EPHB2: variants seen among roughly 807,000 people sequenced by gnomAD.
EPHB2 encodes ephrin type-B receptor 2.
Under a neutral mutation model 96.4 loss-of-function variants are expected in EPHB2, and 18 were observed. The observed-to-expected ratio is 0.19, with a 90% CI of 0.13 to 0.28. The LOEUF (loss-of-function observed/expected upper bound fraction) is 0.28. Ranked by LOEUF, EPHB2 falls within the 10% of genes least tolerant of loss-of-function variation. The pLI, the probability that EPHB2 is intolerant of heterozygous loss-of-function variation, is 1.00. For missense variants in EPHB2, 989 were observed against 1,355.4 expected, an observed-to-expected ratio of 0.73 and a Z score of 4.25; for synonymous variants, 506 against 534.1, an observed-to-expected ratio of 0.95 and a Z score of 0.72.
chr1:22,910,581 G>T lies in EPHB2; in HGVS notation c.2696+6G>T, dbSNP rs749345478. On this transcript the variant is annotated splice_donor_region_variant and intron_variant, in intron 14 of 15. Coordinates refer to ENST00000374630, the MANE Select transcript of EPHB2 (RefSeq NM_017449.5). ...ATGGCGCCCCTCTCCTCTGGGTAAG[G>T]CCCCACCCTGGCCCTGCCCCAGCCA... The T allele has an allele frequency of 2.1e-5, 34 of 1,613,842 alleles. No homozygotes were observed. Among genetic ancestry groups the T allele is most frequent in the South Asian group, 9.9e-5 (9 of 91,066 alleles).
chr1:22,907,161 G>A (rs770151893), intron 11 of EPHB2, among the ~76,000 whole-genome samples: 4 of 152,244 alleles, frequency 2.6e-5, no homozygotes, highest in African/African-American at 4.8e-5. Flanking sequence ...CCCAGAGGCA[G>A]TCCCAGAATT....
chr1:22,747,424 A>T (rs888480195), intron 1 of EPHB2, among the ~76,000 whole-genome samples: 2 of 152,214 alleles, frequency 1.3e-5, no homozygotes, highest in Non-Finnish European at 2.9e-5. Flanking sequence ...AGGTCTGTTG[A>T]TGCCAGACCA....
intron 1 of EPHB2, among the ~76,000 whole-genome samples, chr1:22,734,117 G>T (rs1412150269): frequency 6.6e-6 from 1 of 152,230 alleles, no homozygotes; most frequent in Non-Finnish European, 1.5e-5. Flanking sequence ...GCTTGGGCAG[G>T]GGGCTCATGT....
At chr1:22,899,185 C>T (rs1257375389) in intron 9 of EPHB2, among the ~76,000 whole-genome samples, 6 of 128,078 alleles carry the variant, frequency 4.7e-5, no homozygotes, top group South Asian at 2.5e-4. Context: ...AAGTACAAAA[C>T]GCCATCTCAA....
At chr1:22,741,597 C>T (rs1557646982) in intron 1 of EPHB2, among the ~76,000 whole-genome samples, 1 of 148,556 alleles carries the variant, frequency 6.7e-6, no homozygotes, top group South Asian at 2.2e-4. Flanking sequence ...ATCTATTCCT[C>T]CTGTTCGGAG....
At chr1:22,711,876 AG>A (rs34608691) in intron 1 of EPHB2, among the ~76,000 whole-genome samples, 1 of 151,972 alleles carries the variant, frequency 6.6e-6, no homozygotes, top group Admixed American at 6.6e-5. Context: ...CTCGACCCCC[AG>A]GGGGGCAAGG....
intron 3 of EPHB2, among the ~76,000 whole-genome samples, chr1:22,837,082 G>T (rs1645396619): frequency 6.6e-6 from 1 of 152,236 alleles, no homozygotes; most frequent in African/African-American, 2.4e-5. Context: ...AGTGTGCAGA[G>T]ATGGAGAAGT....
chr1:22,800,796 A>ACACT (rs751937402), intron 3 of EPHB2, among the ~76,000 whole-genome samples: 2,127 of 95,540 alleles, frequency 0.022, 63 homozygotes, highest in African/African-American at 0.068. Context: ...ACACACACAC[A>ACACT]CTCTCTCTCT....
At chr1:22,716,881 C>T (rs188669628) in intron 1 of EPHB2, among the ~76,000 whole-genome samples, 8 of 152,300 alleles carry the variant, frequency 5.3e-5, no homozygotes, top group Admixed American at 2.0e-4. Flanking sequence ...GGCCTCCTGA[C>T]GGGAGGATCT....
At position 22,769,487 on chromosome 1, in the gene EPHB2, A is replaced by G. The variant is rs145384480; in HGVS notation, c.62-11934A>G. 3.1e-3 allele frequency among the ~76,000 whole-genome samples: 473 copies of G among 152,156 alleles called. 7 individuals are homozygous for G. The highest frequency in any genetic ancestry group is 0.011 in the African/African-American group (455 of 41,506). ...AGTGGTGAGATCTCAGCTCACTGCAACCTCTGCCTCCTGGGTTCAAGTTGA... is the reference window on the plus strand; with the variant it reads ...AGTGGTGAGATCTCAGCTCACTGCAGCCTCTGCCTCCTGGGTTCAAGTTGA... On this transcript the variant is annotated intron_variant, in intron 1 of 15. Transcript: ENST00000374630.
At chr1:22,862,206 G>A (rs962768151) in intron 3 of EPHB2, among the ~76,000 whole-genome samples, 1 of 152,232 alleles carries the variant, frequency 6.6e-6, no homozygotes, top group African/African-American at 2.4e-5. Context: ...CTACAGTGGG[G>A]GTGGACTCCA....
At chr1:22,736,385 A>G (rs1199133678) in intron 1 of EPHB2, among the ~76,000 whole-genome samples, 3 of 152,164 alleles carry the variant, frequency 2.0e-5, no homozygotes, top group Non-Finnish European at 4.4e-5. Context: ...TCTCCCCTTC[A>G]ACTTTCCTCC....
chr1:22,758,940 AATGGATGGATGGATG>A (rs1557657385), intron 1 of EPHB2, among the ~76,000 whole-genome samples: 4 of 148,640 alleles, frequency 2.7e-5, no homozygotes, highest in African/African-American at 5.0e-5. Context: ...TGGGTGGATG[AATGGATGGATGGATG>A]ATGGATGGAT....
At chr1:22,835,338 C>A (rs1645364891) in intron 3 of EPHB2, among the ~76,000 whole-genome samples, 1 of 152,074 alleles carries the variant, frequency 6.6e-6, no homozygotes, top group Non-Finnish European at 1.5e-5. Flanking sequence ...CATGATCACA[C>A]CACTACCCTC....
intron 1 of EPHB2, among the ~76,000 whole-genome samples, chr1:22,755,028 CT>C (rs1344804238): frequency 6.7e-6 from 1 of 149,716 alleles, no homozygotes; most frequent in Non-Finnish European, 1.5e-5. Flanking sequence ...CGAGGCCCCC[CT>C]CTCCTGCTCT....
rs1645541745 is a variant in EPHB2, at chr1:22,846,348, G to A, written c.812-16689G>A. ...GGAGAATCACTTGAACCCGGGAGGT[G>A]GAGGTTGCAGTGAGCCGAGATTGTG... On this transcript the variant is annotated intron_variant, in intron 3 of 15. Transcript: ENST00000374630. The surrounding 1 kb of genome is among the most constrained non-coding windows in gnomAD (Gnocchi z 4.3). 6.6e-6 allele frequency among the ~76,000 whole-genome samples: 1 copy of A among 151,786 alleles called. No individual in the cohort carries two copies. The highest frequency in any genetic ancestry group is 2.4e-5 in the African/African-American group (1 of 41,314).
Position 22,896,457 on chromosome 1 carries a change from C to G in EPHB2, c.1744C>G (p.Gln582Glu), listed in dbSNP as rs760868935. The change falls in exon 9 of 16, where the codon CAA (glutamine) becomes GAA (glutamate). Residue 582 changes from glutamine (Q) to glutamate (E), a missense_variant. By Grantham distance (29) the Gln-to-Glu change is conservative (BLOSUM62 2). Transcript: ENST00000374630. ...RADSEYTDKL[Q>E]HYTSGHMTPG... ...TGACTCGGAGTACACGGACAAGCTG[C>G]AACACTACACCAGTGGCCACAGTAT... 6.2e-7 allele frequency: 1 copy of G among 1,614,036 alleles called. No homozygotes were observed. The highest frequency in any genetic ancestry group is 1.3e-5 in the African/African-American group (1 of 74,932).
Position 22,841,873 on chromosome 1 carries a change from T to C in EPHB2, c.812-21164T>C, listed in dbSNP as rs1487915882. Reference sequence around the variant, plus strand: ...TAATGCATGCGGGGTACAGACAGTGTAACATTTTGATTCCCTGGCAAAGAC... The same window carrying C: ...TAATGCATGCGGGGTACAGACAGTGCAACATTTTGATTCCCTGGCAAAGAC... On this transcript the variant is annotated intron_variant, in intron 3 of 15. Transcript: ENST00000374630. 3.3e-5 allele frequency among the ~76,000 whole-genome samples: 5 copies of C among 152,138 alleles called. No homozygotes were observed. The East Asian group carries it at 9.6e-4, about 29-fold the overall frequency.
At chr1:22,740,250 G>T (rs945640938) in intron 1 of EPHB2, among the ~76,000 whole-genome samples, 5 of 152,184 alleles carry the variant, frequency 3.3e-5, no homozygotes, top group African/African-American at 1.2e-4. Flanking sequence ...GGGATATATT[G>T]TTCTTTTGGG....
Sources: gnomAD v4.1 joint callset for allele counts (sites outside exome capture counted in the v4.1 genomes callset) on GRCh38, gnomAD v4.1.1 for gene constraint, Gnocchi (gnomAD v3.1) non-coding constraint, MANE v1.5 for transcripts, NCBI Gene and HGNC (gene_info 2026-07-23, HGNC 2026-07-21) for gene names.